The following NARS2 variants were observed in gnomAD, a reference collection of about 807,000 sequenced individuals.
NARS2 encodes the protein asparaginyl-tRNA synthetase 2, mitochondrial, also known as asparaginyl-tRNA synthetase.
In NARS2, 60 loss-of-function variants were observed where a neutral mutation model predicts 62.9. The observed-to-expected ratio is 0.95, with a 90% CI of 0.77 to 1.18. The LOEUF (loss-of-function observed/expected upper bound fraction) is 1.18. Ranked by LOEUF, NARS2 falls within the 50% of genes most tolerant of loss-of-function variation. The pLI, the probability that NARS2 is intolerant of heterozygous loss-of-function variation, is 0.00. For missense variants in NARS2, 619 were observed against 576.4 expected (o/e 1.07, Z -0.76); for synonymous variants, 196 against 200.0 (o/e 0.98, Z 0.17).
intron 7 of NARS2, among the ~76,000 whole-genome samples, chr11:78,482,613 C>T (rs781104039): frequency 1.4e-4 from 22 of 152,298 alleles, no homozygotes; most frequent in Non-Finnish European, 1.5e-4. Context: ...AGCATAAACA[C>T]CTCTACGCAA....
chr11:78,551,807 C>A (rs956159334), intron 5 of NARS2, among the ~76,000 whole-genome samples: 4 of 151,792 alleles, frequency 2.6e-5, no homozygotes, highest in African/African-American at 9.7e-5. Flanking sequence ...GCCAAGATTG[C>A]GCCATTGTAC....
rs937951677 is a variant in NARS2, at chr11:78,469,129, T to C, written c.1026+118A>G. On this transcript the variant is annotated intron_variant, in intron 10 of 13. Transcript: ENST00000281038. ...TTAAGTCTGTGTACAAATGAGCAAA[T>C]GCCATATTTTGCTAATAAGAGAATT... 5 of 674,290 alleles carry C rather than the reference T, an allele frequency of 7.4e-6. No individual in the cohort carries two copies. The Admixed American group carries it at 1.2e-4, about 16-fold the overall frequency. The allele number at this position is 674,290 out of a possible 1,614,324, so 41.8% of individuals were successfully genotyped here.
At chr11:78,507,522 C>CT (rs71046973) in intron 6 of NARS2, among the ~76,000 whole-genome samples, 95,325 of 140,612 alleles carry the variant, frequency 0.68, 33,749 homozygotes, top group Non-Finnish European at 0.8. Flanking sequence ...TTCTTTTATT[C>CT]TTTTTTTTTT....
chr11:78,497,000 C>T (rs561392431), intron 6 of NARS2, among the ~76,000 whole-genome samples: 9 of 152,058 alleles, frequency 5.9e-5, no homozygotes, highest in Admixed American at 3.9e-4. Context: ...GAGAACAAGG[C>T]CATTTCTAAA....
intron 10 of NARS2, among the ~76,000 whole-genome samples, chr11:78,467,321 T>A (rs1227564342): frequency 1.3e-5 from 2 of 151,344 alleles, no homozygotes; most frequent in Non-Finnish European, 2.9e-5. Context: ...AGCCGAGGAG[T>A]GCTTGAGCAC....
chr11:78,450,033 G>A (rs1434661362), intron 11 of NARS2, among the ~76,000 whole-genome samples: 2 of 152,176 alleles, frequency 1.3e-5, no homozygotes, highest in African/African-American at 2.4e-5. Context: ...CAGAAGCAAC[G>A]TATGTATGTC....
In NARS2 at chr11:78,492,543, T is replaced by C. The variant is rs143036378; in HGVS notation, c.822+520A>G. 1.8e-3 allele frequency among the ~76,000 whole-genome samples: 280 copies of C among 152,300 alleles called. 1 individual carries two copies. The highest frequency in any genetic ancestry group is 6.4e-3 in the African/African-American group (268 of 41,562). The stretch of plus-strand genomic sequence containing the variant: ...ATGATCTGTTGCCTGACCATGACCA[T>C]CTCTCCAGCCTTGTCCCCTGCTCAA... On this transcript the variant is annotated intron_variant, in intron 7 of 13. Coordinates refer to ENST00000281038, the MANE Select transcript of NARS2 (RefSeq NM_024678.6).
chr11:78,465,564 C>T (rs760839741), intron 11 of NARS2, among the ~76,000 whole-genome samples: 3 of 152,230 alleles, frequency 2.0e-5, no homozygotes, highest in African/African-American at 4.8e-5. Flanking sequence ...TATAGCCATA[C>T]AGTGTTCTAG....
At chr11:78,516,054 C>T (rs1391335829) in intron 6 of NARS2, among the ~76,000 whole-genome samples, 4 of 152,158 alleles carry the variant, frequency 2.6e-5, no homozygotes, top group Non-Finnish European at 5.9e-5. Flanking sequence ...AAAGGAACAA[C>T]TTCTTCATGT....
At chr11:78,531,001 A>G (rs182104936) in intron 5 of NARS2, among the ~76,000 whole-genome samples, 8 of 152,278 alleles carry the variant, frequency 5.3e-5, no homozygotes, top group Non-Finnish European at 8.8e-5. Context: ...ATTATCACCT[A>G]TATATTTTAT....
chr11:78,451,557 T>A (rs747112781), intron 11 of NARS2, among the ~76,000 whole-genome samples: 7 of 152,196 alleles, frequency 4.6e-5, no homozygotes, highest in Non-Finnish European at 1.0e-4. Flanking sequence ...CTTGCCTTTA[T>A]GGGCAGGCAG....
rs182782137 is a variant in NARS2, at chr11:78,440,524, T to C, written c.1289+567A>G. Among the ~76,000 whole-genome samples, 144 of 151,802 alleles carry C rather than the reference T, an allele frequency of 9.5e-4. 2 individuals carry two copies. The East Asian group carries it at 0.016, about 17-fold the overall frequency. ...TTCACAGGGTGGTAGGATGATTACA[T>C]GACATAATATAATTTTTTTTTTTTT... On this transcript the variant is annotated intron_variant, in intron 13 of 13. Transcript: ENST00000281038.
At chr11:78,466,043 GA>G in intron 10 of NARS2, 30 bp from the exon 11 acceptor site, 1 of 1,553,990 alleles carries the variant, frequency 6.4e-7, no homozygotes, top group Non-Finnish European at 8.7e-7. Context: ...ATGACCAAAA[GA>G]GGAGACAGAG....
intron 9 of NARS2, among the ~76,000 whole-genome samples, chr11:78,473,117 G>A (rs1031340515): frequency 6.6e-6 from 1 of 152,176 alleles, no homozygotes; most frequent in Non-Finnish European, 1.5e-5. Context: ...AGTGAGCTAT[G>A]ATCACACCAC....
At chr11:78,472,836 T>A (rs2063727) in intron 9 of NARS2, among the ~76,000 whole-genome samples, 38,529 of 152,176 alleles carry the variant, frequency 0.25, 5,309 homozygotes, top group East Asian at 0.42. Context: ...AAAAGGCATG[T>A]AACAGCAGAA....
intron 5 of NARS2, among the ~76,000 whole-genome samples, chr11:78,534,094 T>G (rs1244356617): frequency 6.6e-6 from 1 of 152,246 alleles, no homozygotes; most frequent in African/African-American, 2.4e-5. Context: ...TTGGCAATTA[T>G]GAATAAAGCT....
intron 9 of NARS2, among the ~76,000 whole-genome samples, chr11:78,474,193 T>C (rs767170795): frequency 2.0e-5 from 3 of 152,198 alleles, no homozygotes; most frequent in Non-Finnish European, 2.9e-5. Context: ...TTTAACAGTA[T>C]TGTCATTAAA....
chr11:78,507,030 G>T (rs1050169974), intron 6 of NARS2, among the ~76,000 whole-genome samples: 1 of 152,070 alleles, frequency 6.6e-6, no homozygotes, highest in Non-Finnish European at 1.5e-5. Context: ...CACAGCTTGA[G>T]GGAGCTGAGT....
rs1008895962 is a variant in NARS2 at position 78,487,680 on chromosome 11, A to G, written c.822+5383T>C. ...ATCCATGTGCTGAAAACCAAAGACA[A>G]AGAAAAAAATCTTGAAAGAAACCGA... is the stretch of plus-strand genomic sequence containing the variant. On this transcript the variant is annotated intron_variant, in intron 7 of 13. Coordinates refer to ENST00000281038, the MANE Select transcript of NARS2 (RefSeq NM_024678.6). Among the ~76,000 whole-genome samples, 3 of 152,200 alleles carry G rather than the reference A, an allele frequency of 2.0e-5. No homozygotes were observed. In the East Asian group the frequency reaches 5.8e-4, roughly 29 times the overall value.
Sources: gnomAD v4.1 joint callset for allele counts (sites outside exome capture counted in the v4.1 genomes callset) on GRCh38, gnomAD v4.1.1 for gene constraint, MANE v1.5 for transcripts, NCBI Gene and HGNC (gene_info 2026-07-23, HGNC 2026-07-21) for gene names.